FAM53A: variants seen among roughly 807,000 people sequenced by gnomAD.
The protein encoded by FAM53A is protein FAM53A.
In FAM53A, 28 loss-of-function variants were observed where a neutral mutation model predicts 26.6. The ratio of observed to expected loss-of-function variants is 1.05; its 90% CI spans 0.78 to 1.45. The LOEUF is 1.45. Among genes scored for constraint, FAM53A ranks in the 40% most tolerant of loss-of-function variants. The pLI is 0.00. For synonymous variants in FAM53A, 290 were observed against 253.1 expected (o/e 1.15, Z -1.38); for missense variants, 650 against 575.8 (o/e 1.13, Z -1.32).
chr4:1,615,679 A>G (rs1047051889), downstream of FAM53A, among the ~76,000 whole-genome samples: 4 of 152,248 alleles, frequency 2.6e-5, no homozygotes, highest in African/African-American at 9.6e-5. Context: ...GGGCGCACAC[A>G]GGGGATGGCC....
At chr4:1,684,841 G>T (rs1715712298), upstream of FAM53A, among the ~76,000 whole-genome samples, 1 of 152,234 alleles carries the variant, frequency 6.6e-6, no homozygotes, top group Non-Finnish European at 1.5e-5. Flanking sequence ...CTCGCTCATG[G>T]TCGCCGAGGG....
chr4:1,633,146 A>C (rs1380420705), intron 1 of FAM53A, among the ~76,000 whole-genome samples: 4 of 152,294 alleles, frequency 2.6e-5, no homozygotes, highest in Admixed American at 2.0e-4. Flanking sequence ...ACACATAGGT[A>C]CACGTGCTCA....
In FAM53A at chr4:1,647,640, T is replaced by C. The variant is rs549566821; in HGVS notation, c.883-6033A>G. ...CGCCGGACTAGAGCTGGGCTGCGCA[T>C]ACCGAGTCCGCCAGGTGCAAGCACA... On this transcript the variant is annotated intron_variant, in intron 4 of 4. Transcript: ENST00000308132. Among the ~76,000 whole-genome samples, 61 of 152,322 alleles carry C rather than the reference T, an allele frequency of 4.0e-4. 2 individuals carry two copies. The South Asian group carries it at 0.013, about 32-fold the overall frequency.
At chr4:1,587,840 A>G in the FAM53A span, among the ~76,000 whole-genome samples, 1 of 152,156 alleles carries the variant, frequency 6.6e-6, no homozygotes. Flanking sequence ...ATGTTTTAAT[A>G]CATTTTATAA....
In FAM53A at chr4:1,630,046, G is replaced by A. The variant is rs375554475; in HGVS notation, c.432-11935C>T. Among the ~76,000 whole-genome samples the A allele has an allele frequency of 4.6e-5, 7 of 151,590 alleles. No individual in the cohort carries two copies. The highest frequency in any genetic ancestry group is 2.0e-4 in the Admixed American group (3 of 15,220). ...CCCATGTCCCCCTGCTTCCCCCTCC[G>A]CCCAGCACAAAAAGACCACAGTGAG... On this transcript the variant is annotated intron_variant, in intron 1 of 1. Coordinates refer to the FAM53A transcript ENST00000489029. The surrounding 1 kb of genome is among the most constrained non-coding windows in gnomAD (Gnocchi z 4.3).
the FAM53A span, among the ~76,000 whole-genome samples, chr4:1,587,949 G>A: frequency 4.0e-5 from 6 of 151,428 alleles, no homozygotes; most frequent in East Asian, 1.9e-4. Context: ...GCTCTTTTTC[G>A]AAGACTAAGA....
chr4:1,658,569 G>C (rs1713589373), intron 2 of FAM53A, among the ~76,000 whole-genome samples: 2 of 152,248 alleles, frequency 1.3e-5, no homozygotes. Context: ...CAGAGGGCAG[G>C]GTCTCCCTCC....
At chr4:1,661,528 G>A (rs1477285484) in intron 2 of FAM53A, among the ~76,000 whole-genome samples, 1 of 152,118 alleles carries the variant, frequency 6.6e-6, no homozygotes, top group African/African-American at 2.4e-5. Flanking sequence ...ACCGCCTCCT[G>A]GCTGCTGTCC....
chr4:1,626,090 C>G (rs73076092), intron 1 of FAM53A, among the ~76,000 whole-genome samples: 1 of 152,178 alleles, frequency 6.6e-6, no homozygotes, highest in African/African-American at 2.4e-5. Context: ...GAGCCCCTGC[C>G]GTCCTTCTGG....
chr4:1,671,235 C>G (rs1454690499), intron 1 of FAM53A, among the ~76,000 whole-genome samples: 1 of 149,894 alleles, frequency 6.7e-6, no homozygotes, highest in Non-Finnish European at 1.5e-5. Flanking sequence ...CAGCTCACAG[C>G]CACAGCCACA....
chr4:1,641,212 C>A lies in FAM53A; in HGVS notation c.*81G>T. 1 of 1,382,520 alleles carries A rather than the reference C, an allele frequency of 7.2e-7. No individual in the cohort carries two copies. The highest frequency in any genetic ancestry group is 2.1e-5 in the Admixed American group (1 of 47,894). 85.6% of individuals were successfully genotyped at this position (1,382,520 alleles called of 1,614,324 possible). ...CAGGGCAGGTGCCGGGCCGTGGCCC[C>A]GACCAGCTCACAGGAAACCTACTCT... is the stretch of plus-strand genomic sequence containing the variant. On this transcript the variant is annotated 3_prime_UTR_variant, in exon 5 of 5. Transcript: ENST00000308132.
chr4:1,638,996 T>C (rs986625485), downstream of FAM53A, among the ~76,000 whole-genome samples: 1 of 152,178 alleles, frequency 6.6e-6, no homozygotes, highest in African/African-American at 2.4e-5. Flanking sequence ...CCCTGGGGCA[T>C]CCAGGCCTTG....
chr4:1,652,502 A>G (rs2108884597), intron 4 of FAM53A, among the ~76,000 whole-genome samples: 1 of 145,668 alleles, frequency 6.9e-6, no homozygotes, highest in South Asian at 2.2e-4. Context: ...TCACAAACAC[A>G]CCACACATTC....
chr4:1,578,671 C>G, the FAM53A span, among the ~76,000 whole-genome samples: 1 of 149,442 alleles, frequency 6.7e-6, no homozygotes. Flanking sequence ...TACCCCGAAC[C>G]GCCCTCTGCA....
chr4:1,648,437 G>C (rs990079363), intron 4 of FAM53A, among the ~76,000 whole-genome samples: 2 of 152,136 alleles, frequency 1.3e-5, no homozygotes, highest in African/African-American at 4.8e-5. Context: ...GAAAGAGGGA[G>C]AGCAGGCAGC....
intron 3 of FAM53A, among the ~76,000 whole-genome samples, chr4:1,656,368 A>G (rs973493822): frequency 4.6e-5 from 7 of 152,120 alleles, no homozygotes; most frequent in African/African-American, 1.4e-4. Context: ...GGCCAGGTGC[A>G]TGGGCCTGGC....
the FAM53A span, among the ~76,000 whole-genome samples, chr4:1,609,085 C>A: frequency 6.6e-6 from 1 of 152,082 alleles, no homozygotes. Context: ...ACCCCAAGCC[C>A]TGGCTCCTGC....
chr4:1,649,643 G>C (rs1257556403), intron 4 of FAM53A, among the ~76,000 whole-genome samples: 1 of 152,236 alleles, frequency 6.6e-6, no homozygotes, highest in Non-Finnish European at 1.5e-5. Context: ...CCCTCAGGGA[G>C]GCCCATGTGG....
the FAM53A span, among the ~76,000 whole-genome samples, chr4:1,585,177 C>T: frequency 0.039 from 5,913 of 151,834 alleles, 384 homozygotes; most frequent in African/African-American, 0.14. Flanking sequence ...TATAGTCACA[C>T]GTTGTACAGT....
Sources: allele counts gnomAD v4.1 joint callset (sites outside exome capture counted in the v4.1 genomes callset), GRCh38; gene constraint gnomAD v4.1.1; non-coding constraint Gnocchi (gnomAD v3.1); transcripts MANE v1.5; gene names NCBI Gene and HGNC (gene_info 2026-07-23, HGNC 2026-07-21).